The following CNTNAP2 variants were observed in gnomAD, a reference collection of about 807,000 sequenced individuals.
The protein encoded by CNTNAP2 is contactin associated protein 2.
In CNTNAP2, 98 loss-of-function variants were observed where a neutral mutation model predicts 155.2. The ratio of observed to expected loss-of-function variants is 0.63; its 90% CI spans 0.54 to 0.75. The LOEUF (loss-of-function observed/expected upper bound fraction) is 0.75, where lower values mean the gene tolerates loss of function less well. Among genes scored for constraint, CNTNAP2 ranks in the 30% least tolerant of loss-of-function variants. The probability of loss-of-function intolerance (pLI) is 0.00; values close to 1 mark genes in which losing one functional copy is unlikely to be tolerated. For missense variants in CNTNAP2, 1,727 were observed against 1,688.1 expected, an observed-to-expected ratio of 1.02 and a Z score of -0.40; for synonymous variants, 651 against 631.2, an observed-to-expected ratio of 1.03 and a Z score of -0.47.
intron 21 of CNTNAP2, among the ~76,000 whole-genome samples, chr7:148,315,277 G>C (rs1797668041): frequency 1.3e-5 from 2 of 152,144 alleles, no homozygotes; most frequent in Non-Finnish European, 1.5e-5. Flanking sequence ...TTTCACCTGG[G>C]TGCAGGCAGG....
intron 14 of CNTNAP2, among the ~76,000 whole-genome samples, chr7:147,922,984 G>A (rs1800311761): frequency 6.6e-6 from 1 of 151,984 alleles, no homozygotes; most frequent in South Asian, 2.1e-4. Context: ...GCAAGCATCA[G>A]CTAGACCACA....
chr7:146,467,600 CT>C (rs2129125956), intron 1 of CNTNAP2, among the ~76,000 whole-genome samples: 1 of 152,140 alleles, frequency 6.6e-6, no homozygotes, highest in Non-Finnish European at 1.5e-5. Flanking sequence ...CTTTTGGGTA[CT>C]TTTATTTATT....
At chr7:147,483,813 G>C (rs376704604) in intron 10 of CNTNAP2, among the ~76,000 whole-genome samples, 28 of 152,254 alleles carry the variant, frequency 1.8e-4, no homozygotes, top group African/African-American at 6.7e-4. Context: ...ACCTTCTGCT[G>C]TGTGTGTTCC....
intron 1 of CNTNAP2, among the ~76,000 whole-genome samples, chr7:146,549,117 A>G (rs1348138117): frequency 3.3e-5 from 5 of 150,744 alleles, no homozygotes; most frequent in South Asian, 4.2e-4. Context: ...TAAAGAGACT[A>G]TCTTTACCCA....
intron 10 of CNTNAP2, among the ~76,000 whole-genome samples, chr7:147,441,851 C>CTCTCT (rs71182201): frequency 2.7e-5 from 3 of 110,416 alleles, no homozygotes; most frequent in East Asian, 2.7e-4. Flanking sequence ...CTCTCTCTCT[C>CTCTCT]CCTCCCTCCC....
chr7:146,198,739 A>T (rs1465581314), intron 1 of CNTNAP2, among the ~76,000 whole-genome samples: 1 of 152,134 alleles, frequency 6.6e-6, no homozygotes. Context: ...CAGTTTTTAC[A>T]GTGCCAATAA....
intron 13 of CNTNAP2, among the ~76,000 whole-genome samples, chr7:147,812,915 G>A (rs1798204405): frequency 6.6e-6 from 1 of 151,998 alleles, no homozygotes; most frequent in Non-Finnish European, 1.5e-5. Flanking sequence ...CCTATTAAGA[G>A]ATCTGTGTCA....
At chr7:147,075,198 A>G (rs1307852078) in intron 4 of CNTNAP2, among the ~76,000 whole-genome samples, 2 of 152,202 alleles carry the variant, frequency 1.3e-5, no homozygotes, top group Non-Finnish European at 2.9e-5. Flanking sequence ...TGCTTCATTT[A>G]TGTAAATTGT....
intron 1 of CNTNAP2, among the ~76,000 whole-genome samples, chr7:146,466,531 C>T (rs1307926936): frequency 1.3e-5 from 2 of 152,108 alleles, no homozygotes; most frequent in African/African-American, 2.4e-5. Flanking sequence ...TTAGTGAGTA[C>T]ATTTAATCTA....
chr7:148,055,485 T>C (rs902161551), intron 15 of CNTNAP2, among the ~76,000 whole-genome samples: 1 of 152,212 alleles, frequency 6.6e-6, no homozygotes, highest in Admixed American at 6.5e-5. Flanking sequence ...ACCAAATCTG[T>C]GACCTCCAGA....
At chr7:147,484,271 T>C (rs1798473825) in intron 10 of CNTNAP2, among the ~76,000 whole-genome samples, 1 of 152,174 alleles carries the variant, frequency 6.6e-6, no homozygotes, top group South Asian at 2.1e-4. Context: ...TTCAACAAGA[T>C]GCTTTTGTTT....
intron 13 of CNTNAP2, among the ~76,000 whole-genome samples, chr7:147,856,005 A>T (rs546093105): frequency 1.3e-5 from 2 of 152,154 alleles, no homozygotes; most frequent in Non-Finnish European, 2.9e-5. Flanking sequence ...CTCCTGACTC[A>T]ATAAAGAATT....
intron 1 of CNTNAP2, among the ~76,000 whole-genome samples, chr7:146,619,098 C>T (rs1305761990): frequency 6.7e-6 from 1 of 150,374 alleles, no homozygotes; most frequent in African/African-American, 2.4e-5. Flanking sequence ...AGTGAAATTT[C>T]TAAAATAATA....
chr7:148,375,257 AC>A, intron 21 of CNTNAP2, among the ~76,000 whole-genome samples: 1 of 67,888 alleles, frequency 1.5e-5, no homozygotes, highest in Non-Finnish European at 4.1e-5. Flanking sequence ...TATATATAAA[AC>A]TATATATAGT....
chr7:147,544,381 G>A, intron 11 of CNTNAP2, among the ~76,000 whole-genome samples: 1 of 152,072 alleles, frequency 6.6e-6, no homozygotes, highest in Admixed American at 6.6e-5. Context: ...AAGTAGCAAT[G>A]AAGCTCTCAC....
At chr7:147,154,830 T>C (rs1180294585) in intron 8 of CNTNAP2, among the ~76,000 whole-genome samples, 3 of 151,976 alleles carry the variant, frequency 2.0e-5, no homozygotes, top group African/African-American at 7.3e-5. Flanking sequence ...TTCTCTGATA[T>C]AGTTTCTGAT....
At chr7:147,012,229 C>A (rs1798640676) in intron 3 of CNTNAP2, among the ~76,000 whole-genome samples, 1 of 151,954 alleles carries the variant, frequency 6.6e-6, no homozygotes, top group African/African-American at 2.4e-5. Context: ...TCTAAATAAG[C>A]TTTGTGCATT....
intron 1 of CNTNAP2, among the ~76,000 whole-genome samples, chr7:146,683,928 TG>T (rs1800549572): frequency 3.3e-5 from 5 of 152,198 alleles, no homozygotes; most frequent in African/African-American, 9.6e-5. Flanking sequence ...CTTGCCATCC[TG>T]TAAATAGTCA....
At chr7:146,142,829 A>T (rs755727083) in intron 1 of CNTNAP2, among the ~76,000 whole-genome samples, 2 of 152,206 alleles carry the variant, frequency 1.3e-5, no homozygotes, top group Admixed American at 6.5e-5. Flanking sequence ...GTTTACATTT[A>T]TCATATTGTA....
Sources: allele counts gnomAD v4.1 joint callset (sites outside exome capture counted in the v4.1 genomes callset), GRCh38; gene constraint gnomAD v4.1.1; transcripts MANE v1.5; gene names NCBI Gene and HGNC (gene_info 2026-07-23, HGNC 2026-07-21).